NUBPL: variants seen among roughly 807,000 people sequenced by gnomAD.
The protein encoded by NUBPL is iron-sulfur cluster transfer protein NUBPL.
NUBPL carries 31 observed loss-of-function variants against 45.7 expected under a neutral mutation model. The ratio of observed to expected loss-of-function variants is 0.68; its 90% CI spans 0.51 to 0.92. NUBPL has a LOEUF of 0.92. Ranked by LOEUF, NUBPL falls within the 40% of genes least tolerant of loss-of-function variation. NUBPL has a pLI of 0.00. For synonymous variants in NUBPL, 144 were observed against 140.9 expected (o/e 1.02, Z -0.15); for missense variants, 401 against 398.7 (o/e 1.01, Z -0.05).
At chr14:31,706,595 C>G (rs1202747633) in intron 6 of NUBPL, among the ~76,000 whole-genome samples, 2 of 152,136 alleles carry the variant, frequency 1.3e-5, no homozygotes, top group African/African-American at 4.8e-5. Context: ...CTATCCCTTA[C>G]TGGTTAGTGT....
chr14:31,703,028 A>C (rs776451778), intron 6 of NUBPL: 1 of 152,232 alleles, frequency 6.6e-6, no homozygotes, highest in Non-Finnish European at 1.5e-5. Context: ...CTCACTGTCT[A>C]CTAGAGATTT....
chr14:31,686,427 A>G (rs548908701), intron 6 of NUBPL, among the ~76,000 whole-genome samples: 2 of 152,208 alleles, frequency 1.3e-5, no homozygotes, highest in Non-Finnish European at 2.9e-5. Context: ...AAAGTGATGG[A>G]TAAGTTGGTT....
At chr14:31,819,949 G>A (rs1469536535) in intron 7 of NUBPL, among the ~76,000 whole-genome samples, 1 of 151,924 alleles carries the variant, frequency 6.6e-6, no homozygotes, top group East Asian at 1.9e-4. Flanking sequence ...GACCATCCTG[G>A]CTAACACGGT....
chr14:31,837,630 A>G (rs143757120), intron 8 of NUBPL, among the ~76,000 whole-genome samples: 128 of 152,322 alleles, frequency 8.4e-4, no homozygotes, highest in African/African-American at 2.9e-3. Context: ...CCACATAAAA[A>G]TTATTGAGGA....
intron 6 of NUBPL, among the ~76,000 whole-genome samples, chr14:31,717,897 A>C (rs1000150838): frequency 5.3e-5 from 8 of 152,196 alleles, no homozygotes; most frequent in Non-Finnish European, 1.0e-4. Flanking sequence ...AATGGACATC[A>C]GATCACAGAA....
intron 3 of NUBPL, among the ~76,000 whole-genome samples, chr14:31,576,356 G>A (rs1387332992): frequency 1.3e-5 from 2 of 152,130 alleles, no homozygotes; most frequent in African/African-American, 4.8e-5. Context: ...TGAACCCGTG[G>A]GCTCAAGCAA....
chr14:31,856,829 G>T (rs1336366114), intron 10 of NUBPL, among the ~76,000 whole-genome samples: 1 of 152,154 alleles, frequency 6.6e-6, no homozygotes, highest in Non-Finnish European at 1.5e-5. Flanking sequence ...CTGTAGTTTT[G>T]CAGAGTATAG....
intron 3 of NUBPL, among the ~76,000 whole-genome samples, chr14:31,593,953 T>C (rs151113282): frequency 6.6e-6 from 1 of 152,232 alleles, no homozygotes; most frequent in African/African-American, 2.4e-5. Context: ...GGTAAGTGGC[T>C]GGTGATTGTT....
intron 6 of NUBPL, among the ~76,000 whole-genome samples, chr14:31,712,030 T>C (rs1032178107): frequency 1.3e-5 from 2 of 152,264 alleles, no homozygotes; most frequent in African/African-American, 4.8e-5. Context: ...GCAAGATTTA[T>C]TGTGAAGAGC....
intron 4 of NUBPL, among the ~76,000 whole-genome samples, chr14:31,604,615 A>G (rs1283106587): frequency 6.6e-6 from 1 of 152,162 alleles, no homozygotes; most frequent in Non-Finnish European, 1.5e-5. Context: ...GATGTATGGC[A>G]ATGTAGTTTT....
intron 6 of NUBPL, among the ~76,000 whole-genome samples, chr14:31,677,991 C>T (rs2036741371): frequency 6.6e-6 from 1 of 152,224 alleles, no homozygotes; most frequent in Admixed American, 6.5e-5. Context: ...TGTTATACTG[C>T]TGCTGAGTTG....
chr14:31,807,111 C>A (rs1224361463), intron 7 of NUBPL, among the ~76,000 whole-genome samples: 1 of 152,070 alleles, frequency 6.6e-6, no homozygotes, highest in African/African-American at 2.4e-5. Flanking sequence ...TAGCAGCATG[C>A]TTTATAATCC....
chr14:31,857,827 G>T lies in NUBPL; in HGVS notation c.898-1291G>T, dbSNP rs1005653436. Among the ~76,000 whole-genome samples, 9 of 105,300 alleles carry T rather than the reference G, an allele frequency of 8.5e-5. No homozygotes were observed. In the East Asian group the frequency reaches 2.1e-3, roughly 25 times the overall value. The allele number at this position is 105,300 out of a possible 152,430, so 69.1% of individuals were successfully genotyped here. ...TTTTGTCAAAGCCACTGAAGTCTCT[G>T]GGAAGTTCCAAACTTTCCACATTTT... On this transcript the variant is annotated intron_variant, in intron 10 of 10. Transcript: ENST00000281081.
intron 6 of NUBPL, among the ~76,000 whole-genome samples, chr14:31,726,322 A>G (rs1227638912): frequency 6.6e-6 from 1 of 152,242 alleles, no homozygotes; most frequent in Non-Finnish European, 1.5e-5. Flanking sequence ...GTCTTAAAGT[A>G]TAAAGGGCTG....
rs1043065070 is a variant in NUBPL, at chr14:31,739,609, A to G, written c.514-48171A>G. Among the ~76,000 whole-genome samples, 18 of 152,288 alleles carry G rather than the reference A, an allele frequency of 1.2e-4. No individual in the cohort carries two copies. In the South Asian group the frequency reaches 3.1e-3, roughly 26 times the overall value. On this transcript the variant is annotated intron_variant, in intron 6 of 10. Transcript: ENST00000281081. ...ATGCATAGCCTTTCCTACGATCAGC[A>G]TCCTCCACCAGAGTGGTCTATTTGT...
chr14:31,718,658 T>A (rs1364636136), intron 6 of NUBPL, among the ~76,000 whole-genome samples: 8 of 152,206 alleles, frequency 5.3e-5, no homozygotes, highest in African/African-American at 1.7e-4. Flanking sequence ...AGATCCAGGA[T>A]GTATGAGGAG....
At position 31,859,666 on chromosome 14, in the gene NUBPL, C is replaced by G. The variant is rs1477655101; in HGVS notation, c.*486C>G. 5.1e-6 allele frequency: 1 copy of G among 196,930 alleles called. No homozygotes were observed. 12.2% of individuals were successfully genotyped at this position (196,930 alleles called of 1,614,324 possible). On this transcript the variant is annotated 3_prime_UTR_variant, in exon 11 of 11. Transcript: ENST00000281081. Reference sequence around the variant, plus strand: ...CCTCTGCTTCTTCATCTGGATCACACTATACCCCAGACTTAATGAATTTCA... The same window carrying G: ...CCTCTGCTTCTTCATCTGGATCACAGTATACCCCAGACTTAATGAATTTCA...
intron 6 of NUBPL, among the ~76,000 whole-genome samples, chr14:31,751,032 A>G (rs1222658102): frequency 1.3e-5 from 2 of 152,104 alleles, no homozygotes; most frequent in African/African-American, 2.4e-5. Flanking sequence ...ATCAGATTTC[A>G]TGAGAACTCA....
chr14:31,617,893 A>G (rs2034951984), intron 4 of NUBPL, among the ~76,000 whole-genome samples: 1 of 152,150 alleles, frequency 6.6e-6, no homozygotes, highest in Non-Finnish European at 1.5e-5. Context: ...TAGGCTGTGA[A>G]TCCATCTGGG....
Sources: allele counts gnomAD v4.1 joint callset (sites outside exome capture counted in the v4.1 genomes callset), GRCh38; gene constraint gnomAD v4.1.1; transcripts MANE v1.5; gene names NCBI Gene and HGNC (gene_info 2026-07-23, HGNC 2026-07-21).